Variants in RAD51B observed in about 807,000 individuals in gnomAD.
RAD51B encodes RAD51 paralog B.
RAD51B carries 38 observed loss-of-function variants against 42.2 expected under a neutral mutation model. The ratio of observed to expected loss-of-function variants is 0.90; its 90% confidence interval spans 0.70 to 1.18. The LOEUF (loss-of-function observed/expected upper bound fraction) is 1.18, where lower values mean the gene tolerates loss of function less well. RAD51B is among the 50% of genes most tolerant of loss of function. The pLI is 0.00. For missense variants in RAD51B, 373 were observed against 400.7 expected, an observed-to-expected ratio of 0.93 and a Z score of 0.59; for synonymous variants, 154 against 145.2, an observed-to-expected ratio of 1.06 and a Z score of -0.43.
At chr14:68,479,642 G>A (rs1355993592), downstream of RAD51B, among the ~76,000 whole-genome samples, 2 of 150,870 alleles carry the variant, frequency 1.3e-5, no homozygotes, top group African/African-American at 4.9e-5. Flanking sequence ...TCCCTGGTTT[G>A]GGGGTGGTCT....
chr14:68,276,205 T>C (rs1262878906), intron 7 of RAD51B, among the ~76,000 whole-genome samples: 1 of 152,186 alleles, frequency 6.6e-6, no homozygotes, highest in African/African-American at 2.4e-5. Context: ...ATTATCATAA[T>C]ATAGGGGCCT....
chr14:68,651,576 C>T (rs971496901), intron 11 of RAD51B, among the ~76,000 whole-genome samples: 1 of 152,122 alleles, frequency 6.6e-6, no homozygotes, highest in African/African-American at 2.4e-5. Flanking sequence ...GAAGTCGAAC[C>T]CTCTAGACCA....
chr14:67,823,184 A>AATTAC (rs576718888), intron 1 of RAD51B, among the ~76,000 whole-genome samples: 27 of 152,206 alleles, frequency 1.8e-4, no homozygotes, highest in Non-Finnish European at 3.7e-4. Flanking sequence ...CTTGAAAGTT[A>AATTAC]ATTACATTTC....
chr14:67,968,025 A>G (rs995011302), intron 7 of RAD51B, among the ~76,000 whole-genome samples: 8 of 152,312 alleles, frequency 5.3e-5, no homozygotes, highest in South Asian at 2.1e-4. Context: ...CCAAACCTCA[A>G]TTCTTGACTT....
intron 8 of RAD51B, among the ~76,000 whole-genome samples, chr14:68,401,126 A>G (rs2084093053): frequency 6.6e-6 from 1 of 152,234 alleles, no homozygotes; most frequent in African/African-American, 2.4e-5. Flanking sequence ...GAATCCTAGT[A>G]CAGACTGAAG....
At chr14:68,102,600 A>G (rs2077309802) in intron 7 of RAD51B, among the ~76,000 whole-genome samples, 1 of 152,154 alleles carries the variant, frequency 6.6e-6, no homozygotes, top group Non-Finnish European at 1.5e-5. Context: ...CCATTCAACA[A>G]GTCTCTAGGA....
chr14:68,492,342 A>G (rs1884144399), intron 10 of RAD51B, among the ~76,000 whole-genome samples: 2 of 152,228 alleles, frequency 1.3e-5, no homozygotes, highest in Admixed American at 1.3e-4. Context: ...CTTCTCTGCT[A>G]CCATATAAGC....
At chr14:67,965,649 C>T (rs1341210207) in intron 7 of RAD51B, among the ~76,000 whole-genome samples, 1 of 152,022 alleles carries the variant, frequency 6.6e-6, no homozygotes, top group Non-Finnish European at 1.5e-5. Context: ...TACCGTATTT[C>T]CCATTGCCAG....
In RAD51B at chr14:68,449,287, C is replaced by T. The variant is rs116017077; in HGVS notation, c.958-18885C>T. On this transcript the variant is annotated intron_variant, in intron 9 of 10. Coordinates refer to ENST00000471583, the MANE Select transcript of RAD51B (RefSeq NM_133510.4). ...GCTTCATTTCAGAAATTGCTAACTC[C>T]GTGCATGAATATTGTAGCCGTGCTT... Among the ~76,000 whole-genome samples the T allele has an allele frequency of 7.7e-3, 1,179 of 152,222 alleles. 16 individuals are homozygous for T. Among genetic ancestry groups the T allele is most frequent in the African/African-American group, 0.027 (1,112 of 41,516 alleles).
At position 68,288,305 on chromosome 14, in the gene RAD51B, C is replaced by T. The variant is rs553929631; in HGVS notation, c.757-3579C>T. On this transcript the variant is annotated intron_variant, in intron 7 of 10. Coordinates refer to ENST00000471583, the MANE Select transcript of RAD51B (RefSeq NM_133510.4). ...TTTGCTGAAAACAGATTTAGAAAAC[C>T]ACAACAATTCAGTAAGATGGCATGA... Among the ~76,000 whole-genome samples, 49 of 152,164 alleles carry T rather than the reference C, an allele frequency of 3.2e-4. No homozygotes were observed. In the South Asian group the frequency reaches 9.7e-3, roughly 30 times the overall value.
intron 10 of RAD51B, among the ~76,000 whole-genome samples, chr14:68,575,616 T>C (rs1889926750): frequency 6.6e-6 from 1 of 152,136 alleles, no homozygotes; most frequent in African/African-American, 2.4e-5. Context: ...ACACCCATGG[T>C]GAATGGGGAT....
intron 7 of RAD51B, among the ~76,000 whole-genome samples, chr14:68,159,571 G>A (rs1046330145): frequency 1.3e-5 from 2 of 148,524 alleles, no homozygotes; most frequent in African/African-American, 5.0e-5. Flanking sequence ...AGTGAGCTGA[G>A]ATCGCACCAC....
rs71423309 is a variant in RAD51B, at chr14:68,444,427, A to G, written c.958-23745A>G. On this transcript the variant is annotated intron_variant, in intron 9 of 10. Transcript: ENST00000471583. Reference sequence around the variant, plus strand: ...GGAAATAAGCAAATTCCACAGGTGGAAAGAATTGTGAATTGTGTGTGTGTG... The same window carrying G: ...GGAAATAAGCAAATTCCACAGGTGGGAAGAATTGTGAATTGTGTGTGTGTG... 3.7e-3 allele frequency among the ~76,000 whole-genome samples: 539 copies of G among 145,166 alleles called. 2 individuals are homozygous for G. The highest frequency in any genetic ancestry group is 6.7e-3 in the Non-Finnish European group (445 of 66,116).
At chr14:68,153,494 G>A (rs11158723) in intron 7 of RAD51B, among the ~76,000 whole-genome samples, 4 of 151,978 alleles carry the variant, frequency 2.6e-5, no homozygotes, top group Non-Finnish European at 5.9e-5. Flanking sequence ...AACCTCTCTA[G>A]CATCTGTTAG....
intron 7 of RAD51B, among the ~76,000 whole-genome samples, chr14:68,218,185 G>A (rs1026773178): frequency 2.0e-5 from 3 of 152,208 alleles, no homozygotes; most frequent in Admixed American, 6.5e-5. Context: ...TTCTGTTTCA[G>A]CAGCTGACCC....
At chr14:68,439,168 A>G (rs1594839559) in intron 9 of RAD51B, among the ~76,000 whole-genome samples, 2 of 60,364 alleles carry the variant, frequency 3.3e-5, no homozygotes, top group South Asian at 1.0e-3. Context: ...ACACACACAC[A>G]CACACACACA....
At chr14:68,014,017 T>C (rs1216468615) in intron 7 of RAD51B, among the ~76,000 whole-genome samples, 1 of 152,188 alleles carries the variant, frequency 6.6e-6, no homozygotes, top group Non-Finnish European at 1.5e-5. Flanking sequence ...ATAAATACAA[T>C]ATCTTGGTCT....
chr14:68,562,131 G>A (rs971498045), intron 10 of RAD51B: 11 of 985,258 alleles, frequency 1.1e-5, no homozygotes, highest in South Asian at 4.7e-5. Flanking sequence ...GAAAGCCCTC[G>A]TCACCCTGGA....
intron 10 of RAD51B, among the ~76,000 whole-genome samples, chr14:68,548,361 C>T (rs1466047422): frequency 6.6e-6 from 1 of 152,262 alleles, no homozygotes; most frequent in Non-Finnish European, 1.5e-5. Flanking sequence ...GGCTCCCACT[C>T]AGGCTCGTGC....
Sources: gnomAD v4.1 joint callset for allele counts (sites outside exome capture counted in the v4.1 genomes callset) on GRCh38, gnomAD v4.1.1 for gene constraint, MANE v1.5 for transcripts, NCBI Gene and HGNC (gene_info 2026-07-23, HGNC 2026-07-21) for gene names.